SDK1: variants seen among roughly 807,000 people sequenced by gnomAD.
SDK1 encodes sidekick cell adhesion molecule 1.
A neutral mutation model predicts 245.5 loss-of-function variants in SDK1; 157 were observed. The ratio of observed to expected loss-of-function variants is 0.64; its 90% CI spans 0.56 to 0.73. SDK1 has a LOEUF of 0.73. Among genes scored for constraint, SDK1 ranks in the 30% least tolerant of loss-of-function variants. The pLI, the probability that SDK1 is intolerant of heterozygous loss-of-function variation, is 0.00. For synonymous variants in SDK1, 1,647 were observed against 1,278.5 expected, an observed-to-expected ratio of 1.29 and a Z score of -6.15; for missense variants, 3,583 against 3,002.3, an observed-to-expected ratio of 1.19 and a Z score of -4.52.
chr7:3,526,944 TCA>T, intron 1 of SDK1, among the ~76,000 whole-genome samples: 1 of 152,210 alleles, frequency 6.6e-6, no homozygotes, highest in Non-Finnish European at 1.5e-5. Flanking sequence ...TTTATAATGT[TCA>T]GACAGGAGGT....
intron 4 of SDK1, among the ~76,000 whole-genome samples, chr7:3,780,228 G>T (rs1226163690): frequency 6.6e-6 from 1 of 152,186 alleles, no homozygotes; most frequent in Non-Finnish European, 1.5e-5. Flanking sequence ...AGACTGAGAG[G>T]ATTTCCCTGG....
At chr7:3,453,581 C>T (rs1182286132) in intron 1 of SDK1, among the ~76,000 whole-genome samples, 5 of 152,118 alleles carry the variant, frequency 3.3e-5, no homozygotes, top group African/African-American at 1.2e-4. Flanking sequence ...GTGGCGACCA[C>T]ACAGGAAGGA....
chr7:3,689,916 T>G (rs1372737779), intron 4 of SDK1, among the ~76,000 whole-genome samples: 1 of 152,256 alleles, frequency 6.6e-6, no homozygotes, highest in Non-Finnish European at 1.5e-5. Context: ...GTGTGTCTAT[T>G]GCAAACAAAA....
intron 14 of SDK1, among the ~76,000 whole-genome samples, chr7:3,994,884 A>G (rs1784586986): frequency 6.6e-6 from 1 of 152,076 alleles, no homozygotes; most frequent in African/African-American, 2.4e-5. Context: ...CGAGCTCAGT[A>G]GTACAGGAAC....
At position 3,888,729 on chromosome 7, in the gene SDK1, G is replaced by T. The variant is rs189737208; in HGVS notation, c.848-62194G>T. ...ATTTCATTTTTAACATTGTTCAGAG[G>T]TACAAAAAATCCTGGGAGAAAAAAT... On this transcript the variant is annotated intron_variant, in intron 5 of 44. Transcript: ENST00000404826. Among the ~76,000 whole-genome samples, 117 of 152,204 alleles carry T rather than the reference G, an allele frequency of 7.7e-4. 1 individual carries two copies. The highest frequency in any genetic ancestry group is 2.5e-3 in the African/African-American group (105 of 41,534).
At chr7:3,944,581 C>T (rs1045343517) in intron 5 of SDK1, among the ~76,000 whole-genome samples, 1 of 151,844 alleles carries the variant, frequency 6.6e-6, no homozygotes, top group Non-Finnish European at 1.5e-5. Context: ...GAGGTTGTTT[C>T]ATTCTTTTAA....
intron 1 of SDK1, among the ~76,000 whole-genome samples, chr7:3,554,399 G>A (rs1779517801): frequency 6.7e-6 from 1 of 149,918 alleles, no homozygotes; most frequent in Non-Finnish European, 1.5e-5. Context: ...AAAACTGAAA[G>A]CAAAAACAGA....
chr7:3,729,299 A>G (rs191843059), intron 4 of SDK1, among the ~76,000 whole-genome samples: 1 of 152,232 alleles, frequency 6.6e-6, no homozygotes, highest in Non-Finnish European at 1.5e-5. Flanking sequence ...TCTGGCTAAT[A>G]TATAATTCCT....
intron 1 of SDK1, chr7:3,476,167 C>CT (rs1355254184): frequency 6.6e-6 from 1 of 152,514 alleles, no homozygotes; most frequent in Non-Finnish European, 1.5e-5. Flanking sequence ...GGAGAGCTTC[C>CT]TAAAAGGTAC....
At chr7:3,335,810 TG>T (rs1224506438) in intron 1 of SDK1, among the ~76,000 whole-genome samples, 1 of 152,150 alleles carries the variant, frequency 6.6e-6, no homozygotes, top group African/African-American at 2.4e-5. Flanking sequence ...GAAATGGGAA[TG>T]GGCCAGAGAT....
At chr7:3,624,869 A>G (rs927304870) in intron 2 of SDK1, among the ~76,000 whole-genome samples, 39 of 152,034 alleles carry the variant, frequency 2.6e-4, no homozygotes, top group African/African-American at 9.4e-4. Context: ...AACATGGAGA[A>G]ACCCCATCTC....
At chr7:3,806,537 C>A (rs373087833) in intron 4 of SDK1, among the ~76,000 whole-genome samples, 3 of 152,350 alleles carry the variant, frequency 2.0e-5, no homozygotes, top group Non-Finnish European at 4.4e-5. Flanking sequence ...TAGACCCTAG[C>A]GAAGAATTTT....
intron 1 of SDK1, among the ~76,000 whole-genome samples, chr7:3,314,394 A>G (rs2128544646): frequency 6.6e-6 from 1 of 152,328 alleles, no homozygotes; most frequent in South Asian, 2.1e-4. Flanking sequence ...TAGCTGTAGG[A>G]AATGTGGACT....
chr7:3,578,206 G>A (rs985162226), intron 1 of SDK1, among the ~76,000 whole-genome samples: 2 of 151,886 alleles, frequency 1.3e-5, no homozygotes, highest in Non-Finnish European at 1.5e-5. Flanking sequence ...ATCACATATC[G>A]GTAGGACCAT....
chr7:3,689,208 A>G lies in SDK1; in HGVS notation c.713+47103A>G, dbSNP rs571184240. On this transcript the variant is annotated intron_variant, in intron 4 of 44. Coordinates refer to ENST00000404826, the MANE Select transcript of SDK1 (RefSeq NM_152744.4). ...CACCCTCTTTCCTAAGAACGTTATG[A>G]TAACCCTGCTTCTGTCAGGTTTCCA... Among the ~76,000 whole-genome samples the G allele has an allele frequency of 4.6e-5, 7 of 152,252 alleles. No homozygotes were observed. In the South Asian group the frequency reaches 1.2e-3, roughly 27 times the overall value.
intron 4 of SDK1, among the ~76,000 whole-genome samples, chr7:3,717,912 G>T (rs563813011): frequency 1.8e-4 from 28 of 151,842 alleles, no homozygotes; most frequent in Non-Finnish European, 3.7e-4. Flanking sequence ...AATTCATGTT[G>T]TGAGGCCAGT....
At chr7:3,310,138 G>A (rs996660533) in intron 1 of SDK1, among the ~76,000 whole-genome samples, 5 of 152,086 alleles carry the variant, frequency 3.3e-5, no homozygotes, top group African/African-American at 1.2e-4. Context: ...GCATCATTCT[G>A]GATTCACTGG....
chr7:3,873,722 T>G (rs1781010010), intron 5 of SDK1, among the ~76,000 whole-genome samples: 1 of 152,204 alleles, frequency 6.6e-6, no homozygotes, highest in Non-Finnish European at 1.5e-5. Context: ...AGTCTGCTCA[T>G]GAGCCCATCA....
intron 22 of SDK1, among the ~76,000 whole-genome samples, chr7:4,095,449 A>G (rs1368365465): frequency 6.6e-6 from 1 of 152,238 alleles, no homozygotes; most frequent in Admixed American, 6.5e-5. Flanking sequence ...GTAAGATGTC[A>G]CTTTAGTTTC....
Sources: gnomAD v4.1 joint callset for allele counts (sites outside exome capture counted in the v4.1 genomes callset) on GRCh38, gnomAD v4.1.1 for gene constraint, MANE v1.5 for transcripts, NCBI Gene and HGNC (gene_info 2026-07-23, HGNC 2026-07-21) for gene names.